ELP4: variants seen among roughly 807,000 people sequenced by gnomAD.
ELP4 encodes elongator complex protein 4.
Under a neutral mutation model 48.9 loss-of-function variants are expected in ELP4, and 51 were observed. The ratio of observed to expected loss-of-function variants is 1.04; its 90% CI spans 0.83 to 1.32. The LOEUF (loss-of-function observed/expected upper bound fraction) is 1.32, where lower values mean the gene tolerates loss of function less well. Ranked by LOEUF, ELP4 falls within the 40% of genes most tolerant of loss-of-function variation. The probability of loss-of-function intolerance (pLI) is 0.00; values close to 1 mark genes in which losing one functional copy is unlikely to be tolerated. For synonymous variants in ELP4, 210 were observed against 189.2 expected (o/e 1.11, Z -0.90); for missense variants, 519 against 514.6 (o/e 1.01, Z -0.08).
chr11:31,752,158 ACACT>A (rs1296630933), intron 9 of ELP4, among the ~76,000 whole-genome samples: 4 of 152,236 alleles, frequency 2.6e-5, no homozygotes, highest in South Asian at 2.1e-4. Context: ...ATTCACACAC[ACACT>A]CACACACACT....
At chr11:31,695,271 C>G (rs1268468389) in intron 9 of ELP4, among the ~76,000 whole-genome samples, 1 of 152,120 alleles carries the variant, frequency 6.6e-6, no homozygotes, top group African/African-American at 2.4e-5. Flanking sequence ...TTTGCCCATT[C>G]AGTATGTTAT....
intron 3 of ELP4, among the ~76,000 whole-genome samples, chr11:31,566,395 T>C (rs1957112305): frequency 6.6e-6 from 1 of 152,110 alleles, no homozygotes; most frequent in Admixed American, 6.6e-5. Flanking sequence ...CATAGGTTAA[T>C]TCTGTATTTC....
intron 9 of ELP4, among the ~76,000 whole-genome samples, chr11:31,680,584 G>C (rs1000769964): frequency 6.6e-6 from 1 of 152,130 alleles, no homozygotes. Flanking sequence ...ACCCCTGCCT[G>C]AATCAGAGCA....
chr11:31,638,388 C>T (rs1224122243), intron 7 of ELP4, among the ~76,000 whole-genome samples: 2 of 151,772 alleles, frequency 1.3e-5, no homozygotes, highest in African/African-American at 4.8e-5. Context: ...TTTCATTTGT[C>T]ATCATTGACA....
chr11:31,635,964 A>T (rs1156243168), intron 7 of ELP4, among the ~76,000 whole-genome samples: 5 of 152,010 alleles, frequency 3.3e-5, no homozygotes, highest in African/African-American at 4.8e-5. Context: ...TAGCATCACC[A>T]TGTTGTAACA....
At chr11:31,692,521 A>T (rs1212209820) in intron 9 of ELP4, among the ~76,000 whole-genome samples, 1 of 152,108 alleles carries the variant, frequency 6.6e-6, no homozygotes, top group Non-Finnish European at 1.5e-5. Context: ...TCAATTTTTC[A>T]TTTGCAAGGG....
intron 3 of ELP4, among the ~76,000 whole-genome samples, chr11:31,579,008 C>T (rs1393384451): frequency 2.6e-5 from 4 of 152,186 alleles, no homozygotes; most frequent in Admixed American, 6.5e-5. Context: ...AGGCCACCTA[C>T]AGAATGGGAG....
chr11:31,758,128 A>G (rs1053162759), intron 9 of ELP4, among the ~76,000 whole-genome samples: 1 of 152,228 alleles, frequency 6.6e-6, no homozygotes, highest in Non-Finnish European at 1.5e-5. Flanking sequence ...AAGTCAAACA[A>G]TGATTAATAA....
chr11:31,621,406 G>A (rs1944619029), intron 5 of ELP4, among the ~76,000 whole-genome samples: 2 of 151,926 alleles, frequency 1.3e-5, no homozygotes, highest in Admixed American at 6.6e-5. Flanking sequence ...TGATTTTAAT[G>A]AGAAAAACCA....
intron 3 of ELP4, among the ~76,000 whole-genome samples, chr11:31,570,468 T>A (rs1957176369): frequency 4.6e-5 from 3 of 65,208 alleles, no homozygotes. Flanking sequence ...TAATATACCT[T>A]TTTTTTTTTT....
intron 9 of ELP4, among the ~76,000 whole-genome samples, chr11:31,724,969 T>TA (rs1362227899): frequency 1.3e-5 from 2 of 152,128 alleles, no homozygotes; most frequent in Admixed American, 6.6e-5. Context: ...TTGAAGGAAT[T>TA]AGAGAGCAAA....
chr11:31,746,937 A>G (rs1211985525), intron 9 of ELP4, among the ~76,000 whole-genome samples: 2 of 151,952 alleles, frequency 1.3e-5, no homozygotes, highest in Non-Finnish European at 2.9e-5. Flanking sequence ...AATAAAACAA[A>G]TTAGGACTTT....
chr11:31,581,960 C>T lies in ELP4; in HGVS notation c.382-12810C>T, dbSNP rs555741052. ...GTAGAGAAAGGATCTCACTGTTTTG[C>T]CCAGGCTGGTCTTAAATTTCTGGCC... On this transcript the variant is annotated intron_variant, in intron 3 of 9. Coordinates refer to ENST00000640961, the MANE Select transcript of ELP4 (RefSeq NM_019040.5). 5.9e-5 allele frequency among the ~76,000 whole-genome samples: 9 copies of T among 152,132 alleles called. No homozygotes were observed. In the East Asian group the frequency reaches 1.4e-3, roughly 23 times the overall value.
chr11:31,637,859 T>C (rs1301437575), intron 7 of ELP4, among the ~76,000 whole-genome samples: 2 of 151,974 alleles, frequency 1.3e-5, no homozygotes, highest in African/African-American at 4.8e-5. Context: ...ATAACACTTA[T>C]TCTTTTTGGA....
intron 9 of ELP4, among the ~76,000 whole-genome samples, chr11:31,730,248 A>G (rs1037134154): frequency 3.9e-5 from 6 of 152,114 alleles, no homozygotes; most frequent in Non-Finnish European, 2.9e-5. Flanking sequence ...TTTATTTCTC[A>G]CAATCTTGGT....
At chr11:31,650,007 G>A (rs1945286883) in intron 8 of ELP4, 108 bp from the exon 9 acceptor site, 2 of 493,034 alleles carry the variant, frequency 4.1e-6, no homozygotes, top group African/African-American at 4.0e-5. Context: ...TTTTAAAAGG[G>A]GAGGATGCTT....
At chr11:31,599,482 TACACAC>T (rs1158380515) in intron 4 of ELP4, 1 of 94,974 alleles carries the variant, frequency 1.1e-5, no homozygotes, top group African/African-American at 3.6e-5. Flanking sequence ...CTCATTTTAA[TACACAC>T]ACACACACAC....
In ELP4 at chr11:31,636,821, A is replaced by G. The variant is rs77257505; in HGVS notation, c.927+4416A>G. On this transcript the variant is annotated intron_variant, in intron 7 of 9. Transcript: ENST00000640961. The stretch of plus-strand genomic sequence containing the variant: ...ATGGCAAGCATACTTTGGAACGAGT[A>G]TATAAAAATAAATTCTAAATATCTG... 3.8e-3 allele frequency among the ~76,000 whole-genome samples: 578 copies of G among 152,100 alleles called. 3 individuals are homozygous for G. Among genetic ancestry groups the G allele is most frequent in the African/African-American group, 0.013 (550 of 41,546 alleles).
At chr11:31,586,226 AC>A (rs1419871629) in intron 3 of ELP4, among the ~76,000 whole-genome samples, 2 of 152,204 alleles carry the variant, frequency 1.3e-5, no homozygotes, top group Non-Finnish European at 2.9e-5. Flanking sequence ...AAGTTTTACC[AC>A]TGTCAAACAT....
Sources: gnomAD v4.1 joint callset for allele counts (sites outside exome capture counted in the v4.1 genomes callset) on GRCh38, gnomAD v4.1.1 for gene constraint, MANE v1.5 for transcripts, NCBI Gene and HGNC (gene_info 2026-07-23, HGNC 2026-07-21) for gene names.